Variants in WDR35 observed in about 807,000 individuals in gnomAD.
WDR35 encodes WD repeat-containing protein 35.
In WDR35, 118 loss-of-function variants were observed where a neutral mutation model predicts 158.3. The observed-to-expected ratio is 0.75, with a 90% CI of 0.64 to 0.87. The LOEUF (loss-of-function observed/expected upper bound fraction) is 0.87, where lower values mean the gene tolerates loss of function less well. Among genes scored for constraint, WDR35 ranks in the 40% least tolerant of loss-of-function variants. The probability of loss-of-function intolerance (pLI) is 0.00; values close to 1 mark genes in which losing one functional copy is unlikely to be tolerated. For synonymous variants in WDR35, 448 were observed against 476.1 expected (o/e 0.94, Z 0.77); for missense variants, 1,263 against 1,405.8 (o/e 0.90, Z 1.62).
In WDR35 at chr2:19,939,277, A is replaced by G. The variant is rs982772974; in HGVS notation, c.1927-876T>C. Among the ~76,000 whole-genome samples, 5 of 152,328 alleles carry G rather than the reference A, an allele frequency of 3.3e-5. No homozygotes were observed. In the South Asian group the frequency reaches 1.0e-3, roughly 32 times the overall value. On this transcript the variant is annotated intron_variant, in intron 17 of 26. Coordinates refer to ENST00000281405, the MANE Select transcript of WDR35 (RefSeq NM_020779.4). ...CTGGAAATTAGGATTACAAGACGAA[A>G]TTTAAATGTTCTAAATCTTGACAAT...
intron 2 of WDR35, 40 bp downstream of exon 2, chr2:19,989,125 G>A (rs1363175613): frequency 6.4e-7 from 1 of 1,564,082 alleles, no homozygotes; most frequent in Admixed American, 1.7e-5. Context: ...AATAACATTA[G>A]CCAATTTACT....
chr2:19,965,621 G>C (rs1019181034), intron 10 of WDR35, among the ~76,000 whole-genome samples: 3 of 152,232 alleles, frequency 2.0e-5, no homozygotes, highest in Middle Eastern at 3.4e-3. Context: ...TAACGTAATT[G>C]TCCTGTTTTC....
At chr2:19,930,573 C>T (rs1670495574) in intron 24 of WDR35, 21 bp from the exon 25 acceptor site, 1 of 1,613,508 alleles carries the variant, frequency 6.2e-7, no homozygotes, top group Non-Finnish European at 8.5e-7. Context: ...AGTCAGCCCA[C>T]ACTTTCCGTC....
At chr2:19,924,500 C>G (rs1416813740) in intron 25 of WDR35, among the ~76,000 whole-genome samples, 1 of 152,088 alleles carries the variant, frequency 6.6e-6, no homozygotes, top group Non-Finnish European at 1.5e-5. Flanking sequence ...GGAGGCGGAG[C>G]TTGCAGTGAG....
At chr2:19,962,667 T>A (rs1671698780) in intron 10 of WDR35, among the ~76,000 whole-genome samples, 1 of 152,072 alleles carries the variant, frequency 6.6e-6, no homozygotes, top group Non-Finnish European at 1.5e-5. Flanking sequence ...ATTTGTTTAA[T>A]TACTCAAAAC....
chr2:19,934,394 T>A lies in WDR35; in HGVS notation c.2548-883A>T, dbSNP rs1670627005. On this transcript the variant is annotated intron_variant, in intron 21 of 26. Transcript: ENST00000281405. The surrounding 1 kb of genome is among the most constrained non-coding windows in gnomAD (Gnocchi z 4.6). ...TTTGTCCTTTGAATATATATGTATA[T>A]GTTTGTGTTGTACACAATCACACAA... Among the ~76,000 whole-genome samples the A allele has an allele frequency of 6.6e-6, 1 of 152,162 alleles. No homozygotes were observed. The highest frequency in any genetic ancestry group is 1.5e-5 in the Non-Finnish European group (1 of 68,014).
intron 17 of WDR35, 94 bp downstream of exon 17, chr2:19,941,665 T>C: frequency 1.1e-6 from 1 of 914,828 alleles, no homozygotes; most frequent in Non-Finnish European, 1.7e-6. Context: ...ATCTGACTCC[T>C]GGGTCCACAC....
chr2:19,950,179 T>C (rs541129733), intron 13 of WDR35, among the ~76,000 whole-genome samples: 6 of 152,196 alleles, frequency 3.9e-5, no homozygotes, highest in Admixed American at 2.0e-4. Context: ...AAGTGATGCA[T>C]AGATGAACCC....
At chr2:19,926,839 C>T (rs886615728) in intron 25 of WDR35, among the ~76,000 whole-genome samples, 1 of 152,204 alleles carries the variant, frequency 6.6e-6, no homozygotes, top group African/African-American at 2.4e-5. Context: ...TGGATACCAT[C>T]AAGACACCTG....
At chr2:19,955,937 C>T (rs915350233) in intron 11 of WDR35, among the ~76,000 whole-genome samples, 7 of 151,754 alleles carry the variant, frequency 4.6e-5, no homozygotes, top group Admixed American at 1.3e-4. Context: ...TTCACTGTAA[C>T]TGTCAAGATT....
rs139738149 is a variant in WDR35 at position 19,932,193 on chromosome 2, G to A, written c.2823+90C>T. 2.1e-4 allele frequency: 324 copies of A among 1,539,864 alleles called. No individual in the cohort carries two copies. The African/African-American group carries it at 4.0e-3, about 19-fold the overall frequency. ...AGTGGTTTTGCTGTAATAAATATTT[G>A]TTTCCAAAGAAAATGGAGAATATGC... On this transcript the variant is annotated intron_variant, in intron 23 of 26. Coordinates refer to ENST00000281405, the MANE Select transcript of WDR35 (RefSeq NM_020779.4).
At chr2:19,948,040 C>A in intron 14 of WDR35, 124 bp downstream of exon 14, 1 of 735,408 alleles carries the variant, frequency 1.4e-6, no homozygotes, top group Non-Finnish European at 2.2e-6. Flanking sequence ...TGGCCTCAAG[C>A]AATCCTCCTG....
At chr2:19,913,924 A>C in intron 26 of WDR35, 113 bp downstream of exon 26, 1 of 1,505,702 alleles carries the variant, frequency 6.6e-7, no homozygotes, top group South Asian at 1.2e-5. Flanking sequence ...GTATAATGTT[A>C]ATGTGAATTG....
At chr2:19,969,339 T>C (rs1172026415) in intron 9 of WDR35, 141 bp downstream of exon 9, 6 of 835,578 alleles carry the variant, frequency 7.2e-6, no homozygotes, top group African/African-American at 3.5e-5. Flanking sequence ...CTAGAAAAGT[T>C]TACTAGTTCT....
intron 25 of WDR35, among the ~76,000 whole-genome samples, chr2:19,921,537 G>T (rs905965389): frequency 1.3e-5 from 2 of 152,182 alleles, no homozygotes; most frequent in Admixed American, 1.3e-4. Context: ...GCAGAAAGCT[G>T]AAACTGAATC....
chr2:19,978,806 T>C lies in WDR35; in HGVS notation c.381A>G (p.Gly127=). The C allele has an allele frequency of 6.2e-7, 1 of 1,613,916 alleles. No individual in the cohort carries two copies. The highest frequency in any genetic ancestry group is 8.5e-7 in the Non-Finnish European group (1 of 1,179,888). ...CTTCATATACAATGCAGATCTTCTG[T>C]CCGTCAGCATTCCAGCTCATACTGC... ...VVRSMSWNAD[G]QKICIVYEDG... The change falls in exon 5 of 27, where the codon GGA becomes GGG. Residue 127 remains glycine (G), a synonymous_variant. Coordinates refer to ENST00000281405, the MANE Select transcript of WDR35 (RefSeq NM_020779.4).
At chr2:19,943,728 A>C (rs1012958296) in intron 16 of WDR35, among the ~76,000 whole-genome samples, 3 of 152,092 alleles carry the variant, frequency 2.0e-5, no homozygotes, top group African/African-American at 7.2e-5. Context: ...AGAACAAAAC[A>C]GCGCAATCAG....
intron 22 of WDR35, among the ~76,000 whole-genome samples, chr2:19,932,928 T>C (rs1670568428): frequency 6.6e-6 from 1 of 152,228 alleles, no homozygotes; most frequent in Non-Finnish European, 1.5e-5. Context: ...ACTTTTAGTT[T>C]AATTTCAGCT....
At chr2:19,973,824 AG>A (rs1246435172) in intron 7 of WDR35, 116 bp from the exon 8 acceptor site, 2 of 1,418,400 alleles carry the variant, frequency 1.4e-6, no homozygotes, top group Admixed American at 4.0e-5. Context: ...TTAAAAAAAC[AG>A]GGCTGGGTAC....
Sources: gnomAD v4.1 joint callset for allele counts (sites outside exome capture counted in the v4.1 genomes callset) on GRCh38, gnomAD v4.1.1 for gene constraint, Gnocchi (gnomAD v3.1) non-coding constraint, MANE v1.5 for transcripts, NCBI Gene and HGNC (gene_info 2026-07-23, HGNC 2026-07-21) for gene names.